The following KICS2 variants were observed in gnomAD, a reference collection of about 807,000 sequenced individuals.
KICS2 encodes the protein KICSTOR complex protein C12orf66.
Under a neutral mutation model 31.4 loss-of-function variants are expected in KICS2, and 13 were observed. The ratio of observed to expected loss-of-function variants is 0.41; its 90% CI spans 0.27 to 0.66. The LOEUF (loss-of-function observed/expected upper bound fraction) is 0.66, where lower values mean the gene tolerates loss of function less well. Ranked by LOEUF, KICS2 falls within the 30% of genes least tolerant of loss-of-function variation. The pLI is 0.28. For missense variants in KICS2, 455 were observed against 545.4 expected, an observed-to-expected ratio of 0.83 and a Z score of 1.65; for synonymous variants, 209 against 214.8, an observed-to-expected ratio of 0.97 and a Z score of 0.24.
chr12:64,216,773 C>T (rs1477039649), intron 1 of KICS2, among the ~76,000 whole-genome samples: 1 of 152,146 alleles, frequency 6.6e-6, no homozygotes, highest in Non-Finnish European at 1.5e-5. Context: ...ATATCATTTA[C>T]TCACTTCTGT....
Position 64,193,240 on chromosome 12 carries a change from T to C in KICS2, c.*602A>G. On this transcript the variant is annotated 3_prime_UTR_variant, in exon 3 of 3. Coordinates refer to ENST00000398055, the MANE Select transcript of KICS2 (RefSeq NM_152440.5). ...GCTGCCATGAGGATCTTCTGAACTG[T>C]TAAAACCTTACGTCATGCTACCAAT... is the stretch of plus-strand genomic sequence containing the variant. 1.0e-6 allele frequency: 1 copy of C among 985,816 alleles called. No homozygotes were observed. Among genetic ancestry groups the C allele is most frequent in the Non-Finnish European group, 1.2e-6 (1 of 830,268 alleles). The allele number at this position is 985,816 out of a possible 1,614,324, so 61.1% of individuals were successfully genotyped here. A position where few individuals can be genotyped will look rare whatever the true frequency, so the allele number is the denominator to read the frequency against.
intron 2 of KICS2, among the ~76,000 whole-genome samples, chr12:64,203,709 T>C (rs377076017): frequency 7.9e-5 from 12 of 152,332 alleles, no homozygotes; most frequent in African/African-American, 2.6e-4. Flanking sequence ...AAAAAAAATC[T>C]ATTTAAGTAC....
chr12:64,207,500 T>C (rs904954211), intron 2 of KICS2, among the ~76,000 whole-genome samples: 3 of 152,034 alleles, frequency 2.0e-5, no homozygotes, highest in African/African-American at 4.8e-5. Context: ...TTCCTACCCA[T>C]GGAATATGGA....
intron 2 of KICS2, among the ~76,000 whole-genome samples, chr12:64,212,058 G>C (rs1287858984): frequency 6.6e-6 from 1 of 152,206 alleles, no homozygotes; most frequent in Non-Finnish European, 1.5e-5. Context: ...CATATACAGA[G>C]AGAGATAAGG....
rs1422817243 is a variant in KICS2 at position 64,192,313 on chromosome 12, T to TG, written c.*1528dup. On this transcript the variant is annotated 3_prime_UTR_variant, in exon 3 of 3. Transcript: ENST00000398055. ...CCAACTTTTGTATTTTTAGTAGAGA[T>TG]GGGGTTTCACCATGTTGGCCACGCT... 2 of 152,174 alleles carry TG rather than the reference T, an allele frequency of 1.3e-5. No homozygotes were observed. Among genetic ancestry groups the TG allele is most frequent in the African/African-American group, 4.8e-5 (2 of 41,414 alleles). The allele number at this position is 152,174 out of a possible 1,614,324, so 9.4% of individuals were successfully genotyped here. A position where few individuals can be genotyped will look rare whatever the true frequency, so the allele number is the denominator to read the frequency against.
chr12:64,197,327 A>G (rs1182447334), intron 2 of KICS2, among the ~76,000 whole-genome samples: 4 of 146,474 alleles, frequency 2.7e-5, no homozygotes, highest in African/African-American at 1.0e-4. Flanking sequence ...TTTTCAACCC[A>G]GAATTTCATA....
At chr12:64,207,265 C>T (rs145708009) in intron 2 of KICS2, among the ~76,000 whole-genome samples, 1 of 124,072 alleles carries the variant, frequency 8.1e-6, no homozygotes, top group East Asian at 2.3e-4. Flanking sequence ...GATCAGGCCA[C>T]TGCATTCTAG....
intron 1 of KICS2, 47 bp downstream of exon 1, chr12:64,221,956 C>A (rs990562386): frequency 6.4e-7 from 1 of 1,569,506 alleles, no homozygotes; most frequent in Non-Finnish European, 8.6e-7. Flanking sequence ...GGGAATATAC[C>A]CCCTTTACTT....
chr12:64,187,690 T>C (rs991663792), downstream of KICS2: 12 of 1,517,318 alleles, frequency 7.9e-6, no homozygotes, highest in Non-Finnish European at 1.1e-5. Context: ...TAAATTAAAT[T>C]AAACCTACAG....
At position 64,192,590 on chromosome 12, in the gene KICS2, T is replaced by G. The variant is rs2037389595; in HGVS notation, c.*1252A>C. The G allele has an allele frequency of 2.0e-6, 2 of 984,884 alleles. No individual in the cohort carries two copies. The highest frequency in any genetic ancestry group is 1.2e-4 in the Admixed American group (2 of 16,258). 61.0% of individuals were successfully genotyped at this position (984,884 alleles called of 1,614,324 possible). On this transcript the variant is annotated 3_prime_UTR_variant, in exon 3 of 3. Transcript: ENST00000398055. The stretch of plus-strand genomic sequence containing the variant: ...TGGGAAAAAAGACGAATATGACCAT[T>G]ACATTTCACACAAGCTTCAAAGGAA...
At chr12:64,221,675 C>T (rs937764254) in intron 1 of KICS2, 3 of 399,148 alleles carry the variant, frequency 7.5e-6, no homozygotes, top group African/African-American at 2.0e-5. Flanking sequence ...TGCAGCGTCA[C>T]TAATTAAAAC....
In KICS2 at chr12:64,196,768, G is replaced by A. The variant is rs1296319557; in HGVS notation, c.522-2110C>T. Among the ~76,000 whole-genome samples, 10 of 146,690 alleles carry A rather than the reference G, an allele frequency of 6.8e-5. No individual in the cohort carries two copies. The South Asian group carries it at 2.0e-3, about 29-fold the overall frequency. ...AGAAGTGCTTAAAGGAGCTGATGGAGCTGAAAACCAAGGCTCGAGAACTAC... is the reference window on the plus strand; with the variant it reads ...AGAAGTGCTTAAAGGAGCTGATGGAACTGAAAACCAAGGCTCGAGAACTAC... On this transcript the variant is annotated intron_variant, in intron 2 of 2. Coordinates refer to ENST00000398055, the MANE Select transcript of KICS2 (RefSeq NM_152440.5).
At chr12:64,216,563 C>T (rs945378278) in intron 1 of KICS2, among the ~76,000 whole-genome samples, 2 of 151,986 alleles carry the variant, frequency 1.3e-5, no homozygotes, top group Admixed American at 6.6e-5. Flanking sequence ...TACTGGGATC[C>T]CAGGAGAATA....
downstream of KICS2, among the ~76,000 whole-genome samples, chr12:64,189,767 T>G (rs1304577260): frequency 6.6e-6 from 1 of 151,764 alleles, no homozygotes; most frequent in East Asian, 1.9e-4. Context: ...GCAGTAGCAG[T>G]GGAGATAAAG....
chr12:64,215,541 T>A, intron 2 of KICS2, 137 bp downstream of exon 2: 2 of 806,098 alleles, frequency 2.5e-6, no homozygotes, highest in Non-Finnish European at 3.8e-6. Flanking sequence ...TTAATGAATA[T>A]GTATAAAATG....
intron 2 of KICS2, among the ~76,000 whole-genome samples, chr12:64,204,237 G>A (rs1384150053): frequency 3.3e-5 from 5 of 152,180 alleles, no homozygotes; most frequent in Admixed American, 6.5e-5. Context: ...GAGAGCATTA[G>A]GGAAAAGAGT....
chr12:64,221,245 C>T (rs1456627441), intron 1 of KICS2, among the ~76,000 whole-genome samples: 1 of 152,190 alleles, frequency 6.6e-6, no homozygotes, highest in East Asian at 1.9e-4. Context: ...AAAGTACTGA[C>T]TCTGAAACCC....
rs893544756 is a variant in KICS2 at position 64,193,676 on chromosome 12, A to G, written c.*166T>C. 1 of 1,421,116 alleles carries G rather than the reference A, an allele frequency of 7.0e-7. No homozygotes were observed. The allele number at this position is 1,421,116 out of a possible 1,614,324, so 88.0% of individuals were successfully genotyped here. A position where few individuals can be genotyped will look rare whatever the true frequency, so the allele number is the denominator to read the frequency against. ...GATTACTCTTTGGAAACTTAATTCA[A>G]TTGGCCTTAATTGCTTATAAAGTGT... On this transcript the variant is annotated 3_prime_UTR_variant, in exon 3 of 3. Transcript: ENST00000398055.
intron 1 of KICS2, 178 bp downstream of exon 1, chr12:64,221,824 GT>G (rs1565722068): frequency 9.8e-6 from 7 of 716,244 alleles, no homozygotes; most frequent in Non-Finnish European, 1.1e-5. Context: ...GCGCAGGCCG[GT>G]GGGCGGGGCT....
Sources: gnomAD v4.1 joint callset for allele counts (sites outside exome capture counted in the v4.1 genomes callset) on GRCh38, gnomAD v4.1.1 for gene constraint, MANE v1.5 for transcripts, NCBI Gene and HGNC (gene_info 2026-07-23, HGNC 2026-07-21) for gene names.